Variants in AK5 observed in about 807,000 individuals in gnomAD.
AK5 encodes adenylate kinase 5.
A neutral mutation model predicts 69.5 loss-of-function variants in AK5; 27 were observed. The observed-to-expected ratio is 0.39, with a 90% CI of 0.29 to 0.54. The LOEUF (loss-of-function observed/expected upper bound fraction) is 0.54, where lower values mean the gene tolerates loss of function less well. Ranked by LOEUF, AK5 falls within the 20% of genes least tolerant of loss-of-function variation. The pLI is 0.71. For missense variants in AK5, 531 were observed against 700.4 expected, an observed-to-expected ratio of 0.76 and a Z score of 2.73; for synonymous variants, 260 against 244.4, an observed-to-expected ratio of 1.06 and a Z score of -0.60.
chr1:77,405,356 T>A (rs144580867), intron 6 of AK5, among the ~76,000 whole-genome samples: 87 of 152,268 alleles, frequency 5.7e-4, no homozygotes, highest in African/African-American at 2.1e-3. Flanking sequence ...CTGAACCGGG[T>A]TTACAAGCCT....
intron 1 of AK5, chr1:77,282,589 C>T (rs1658123202): frequency 2.2e-6 from 3 of 1,336,818 alleles, no homozygotes; most frequent in Admixed American, 3.8e-5. Flanking sequence ...CTGCATCTCA[C>T]AGATCAAGTT....
intron 8 of AK5, among the ~76,000 whole-genome samples, chr1:77,475,422 ATATTATATATATG>A (rs1654841993): frequency 5.2e-4 from 2 of 3,828 alleles, no homozygotes; most frequent in Non-Finnish European, 6.5e-4. Flanking sequence ...TATATACTAT[ATATTATATATATG>A]TATATATATT....
intron 11 of AK5, among the ~76,000 whole-genome samples, chr1:77,520,367 T>C (rs1314960342): frequency 6.6e-6 from 1 of 152,230 alleles, no homozygotes; most frequent in East Asian, 1.9e-4. Context: ...AAGTGTGTTA[T>C]TCCCTTCCTC....
At chr1:77,420,970 T>C (rs578046352) in intron 8 of AK5, among the ~76,000 whole-genome samples, 2 of 152,228 alleles carry the variant, frequency 1.3e-5, no homozygotes, top group Non-Finnish European at 2.9e-5. Context: ...TGTGGCTTTG[T>C]TGCAGTAAAA....
chr1:77,286,701 G>A (rs1289577522), intron 1 of AK5, among the ~76,000 whole-genome samples: 1 of 151,960 alleles, frequency 6.6e-6, no homozygotes, highest in East Asian at 1.9e-4. Context: ...ACAAAAAGTA[G>A]CTGGGCATAA....
chr1:77,343,906 A>G (rs1391943290), intron 6 of AK5, among the ~76,000 whole-genome samples: 1 of 152,202 alleles, frequency 6.6e-6, no homozygotes, highest in Non-Finnish European at 1.5e-5. Context: ...TACATAGGTT[A>G]TTGAAGAAAT....
In AK5 at chr1:77,416,419, C is replaced by T. The variant is rs147907627; in HGVS notation, c.983-1220C>T. ...ATGCAACTGCAACTCTTCATGGCAACGCTATGATTACTTTTCCAAAATGGT... is the reference window on the plus strand; with the variant it reads ...ATGCAACTGCAACTCTTCATGGCAATGCTATGATTACTTTTCCAAAATGGT... On this transcript the variant is annotated intron_variant, in intron 7 of 13. Coordinates refer to ENST00000354567, the MANE Select transcript of AK5 (RefSeq NM_174858.3). Among the ~76,000 whole-genome samples the T allele has an allele frequency of 6.7e-4, 102 of 152,244 alleles. 1 individual carries two copies. The highest frequency in any genetic ancestry group is 2.1e-3 in the African/African-American group (89 of 41,558).
In AK5 at chr1:77,341,916, T is replaced by C. The variant is rs541391095; in HGVS notation, c.891+1348T>C. ...TTTGTTTTGTTTTGGTTTGGTTTTT[T>C]GAGTTGGAGTCTTGCTCTGTCACCT... On this transcript the variant is annotated intron_variant, in intron 6 of 13. Transcript: ENST00000354567. Among the ~76,000 whole-genome samples the C allele has an allele frequency of 5.9e-5, 9 of 152,280 alleles. No individual in the cohort carries two copies. The East Asian group carries it at 1.5e-3, about 26-fold the overall frequency.
chr1:77,301,586 A>G (rs1188451367), intron 5 of AK5, among the ~76,000 whole-genome samples: 1 of 152,218 alleles, frequency 6.6e-6, no homozygotes, highest in Non-Finnish European at 1.5e-5. Flanking sequence ...TCACTCCCCA[A>G]GTAAAACAAC....
At chr1:77,385,592 G>T (rs901607703) in intron 6 of AK5, among the ~76,000 whole-genome samples, 1 of 152,144 alleles carries the variant, frequency 6.6e-6, no homozygotes, top group Admixed American at 6.5e-5. Context: ...ATAAATATGT[G>T]TGGTCAACGA....
intron 6 of AK5, among the ~76,000 whole-genome samples, chr1:77,363,178 C>T (rs2100443410): frequency 6.6e-6 from 1 of 152,270 alleles, no homozygotes; most frequent in African/African-American, 2.4e-5. Context: ...CCAACACATA[C>T]AACCCTATGC....
chr1:77,503,372 G>A (rs1331235218), intron 10 of AK5, among the ~76,000 whole-genome samples: 4 of 152,106 alleles, frequency 2.6e-5, no homozygotes, highest in African/African-American at 9.7e-5. Flanking sequence ...AGTTTTGGAA[G>A]GTTTGTGAAA....
intron 8 of AK5, among the ~76,000 whole-genome samples, chr1:77,475,195 A>ATATATGTG (rs1182380859): frequency 6.2e-3 from 180 of 29,092 alleles, no homozygotes; most frequent in Middle Eastern, 0.021. Context: ...ATATATATAT[A>ATATATGTG]TGTGTGTGTG....
rs1456636948 is a variant in AK5 at position 77,440,238 on chromosome 1, T to C, written c.1059+22523T>C. On this transcript the variant is annotated intron_variant, in intron 8 of 13. Transcript: ENST00000354567. ...TTTCTCCCTCATTTCTGAAGGGTAGTTTTGTTGGATATGCTATTCTTGACT... is the reference window on the plus strand; with the variant it reads ...TTTCTCCCTCATTTCTGAAGGGTAGCTTTGTTGGATATGCTATTCTTGACT... Among the ~76,000 whole-genome samples, 3 of 152,294 alleles carry C rather than the reference T, an allele frequency of 2.0e-5. No homozygotes were observed. The East Asian group carries it at 5.8e-4, about 29-fold the overall frequency.
At chr1:77,368,216 T>TA (rs1491587381) in intron 6 of AK5, among the ~76,000 whole-genome samples, 2 of 29,176 alleles carry the variant, frequency 6.9e-5, no homozygotes, top group Non-Finnish European at 1.3e-4. Flanking sequence ...GTAGAGATAC[T>TA]ATATATATAT....
chr1:77,500,611 C>T (rs1293804370), intron 10 of AK5, among the ~76,000 whole-genome samples: 1 of 151,984 alleles, frequency 6.6e-6, no homozygotes, highest in Non-Finnish European at 1.5e-5. Context: ...GGTGAAACCC[C>T]GTCTCTACTA....
rs1570368640 is a variant in AK5, at chr1:77,559,545, G to A, written c.*875G>A. 2.0e-5 allele frequency: 3 copies of A among 151,456 alleles called. No homozygotes were observed. The South Asian group carries it at 6.2e-4, about 31-fold the overall frequency. 9.4% of individuals were successfully genotyped at this position (151,456 alleles called of 1,614,324 possible). ...ATTTTGATTTTAAATGGTCACCCAT[G>A]TATTTATTTGTTGCCAAGCAAGTAA... On this transcript the variant is annotated 3_prime_UTR_variant, in exon 14 of 14. Transcript: ENST00000354567.
At position 77,475,368 on chromosome 1, in the gene AK5, CAA is replaced by C. The variant is rs1172512551; in HGVS notation, c.1060-7947_1060-7946del. Among the ~76,000 whole-genome samples, 5 of 112,132 alleles carry C rather than the reference CAA, an allele frequency of 4.5e-5. No homozygotes were observed. The South Asian group carries it at 7.7e-4, about 17-fold the overall frequency. The allele number at this position is 112,132 out of a possible 152,430, so 73.6% of individuals were successfully genotyped here. A position where few individuals can be genotyped will look rare whatever the true frequency, so the allele number is the denominator to read the frequency against. Reference sequence around the variant, plus strand: ...TATATACATATATATTATATATATACAAATATATATTATATATATGTATATAT... The same window carrying C: ...TATATACATATATATTATATATATACATATATATTATATATATGTATATAT... On this transcript the variant is annotated intron_variant, in intron 8 of 13. Coordinates refer to ENST00000354567, the MANE Select transcript of AK5 (RefSeq NM_174858.3).
intron 6 of AK5, among the ~76,000 whole-genome samples, chr1:77,375,170 GA>G (rs2100487182): frequency 6.6e-6 from 1 of 152,344 alleles, no homozygotes; most frequent in South Asian, 2.1e-4. Flanking sequence ...TGAAGAGCAA[GA>G]GTGTTTTAAT....
Sources: gnomAD v4.1 joint callset for allele counts (sites outside exome capture counted in the v4.1 genomes callset) on GRCh38, gnomAD v4.1.1 for gene constraint, MANE v1.5 for transcripts, NCBI Gene and HGNC (gene_info 2026-07-23, HGNC 2026-07-21) for gene names.